Variants in KCNIP1 observed in about 807,000 individuals in gnomAD.
KCNIP1 encodes potassium voltage-gated channel interacting protein 1, also known as A-type potassium channel modulatory protein KCNIP1.
In KCNIP1, 18 loss-of-function variants were observed where a neutral mutation model predicts 33.0. That is an observed-to-expected ratio of 0.55 (90% confidence interval 0.38 to 0.81). KCNIP1 has a LOEUF of 0.81. Ranked by LOEUF, KCNIP1 falls within the 30% of genes least tolerant of loss-of-function variation. The pLI is 0.00. For synonymous variants in KCNIP1, 93 were observed against 98.3 expected (o/e 0.95, Z 0.32); for missense variants, 238 against 271.6 (o/e 0.88, Z 0.87).
intron 1 of KCNIP1, among the ~76,000 whole-genome samples, chr5:170,584,007 G>A (rs1275966085): frequency 1.3e-5 from 2 of 152,118 alleles, no homozygotes; most frequent in East Asian, 3.9e-4. Flanking sequence ...GGTAATGCAG[G>A]GGTAAATGGA....
intron 1 of KCNIP1, among the ~76,000 whole-genome samples, chr5:170,709,635 T>C (rs967042554): frequency 1.3e-5 from 2 of 152,240 alleles, no homozygotes; most frequent in Non-Finnish European, 2.9e-5. Context: ...TACTCTGATG[T>C]TCTTATAAGT....
rs1256719862 is a variant in KCNIP1 at position 170,408,926 on chromosome 5, A to T, written c.88+54962A>T. On this transcript the variant is annotated intron_variant, in intron 1 of 7. Coordinates refer to the KCNIP1 transcript ENST00000377360. ...GCTCTGGAAACATTTCAGTCCTGGA[A>T]CACCTGGTCTCTAAAGGTGCCATCA... Among the ~76,000 whole-genome samples, 3 of 152,152 alleles carry T rather than the reference A, an allele frequency of 2.0e-5. No homozygotes were observed. The East Asian group carries it at 5.8e-4, about 29-fold the overall frequency.
At chr5:170,536,025 C>T (rs187799916) in intron 1 of KCNIP1, among the ~76,000 whole-genome samples, 2 of 152,332 alleles carry the variant, frequency 1.3e-5, no homozygotes, top group African/African-American at 4.8e-5. Context: ...GCTCATAACC[C>T]TTTCTCCGCC....
chr5:170,492,941 G>A (rs1191326315), intron 1 of KCNIP1, among the ~76,000 whole-genome samples: 1 of 152,044 alleles, frequency 6.6e-6, no homozygotes, highest in Admixed American at 6.6e-5. Flanking sequence ...GTAGAGACGG[G>A]GTTTCACCAT....
intron 1 of KCNIP1, among the ~76,000 whole-genome samples, chr5:170,384,710 A>G (rs1177705891): frequency 6.6e-6 from 1 of 152,224 alleles, no homozygotes; most frequent in East Asian, 1.9e-4. Flanking sequence ...TAGAACACGA[A>G]TTAGGAATTC....
chr5:170,719,943 A>G (rs1763761723), intron 2 of KCNIP1, among the ~76,000 whole-genome samples: 1 of 152,194 alleles, frequency 6.6e-6, no homozygotes, highest in Non-Finnish European at 1.5e-5. Context: ...CATGGACTCA[A>G]TACCACCTAA....
rs547889097 is a variant in KCNIP1, at chr5:170,688,891, A to T, written c.62-29867A>T. 2.3e-3 allele frequency among the ~76,000 whole-genome samples: 345 copies of T among 150,536 alleles called. 1 individual carries two copies. Among genetic ancestry groups the T allele is most frequent in the Non-Finnish European group, 3.8e-3 (258 of 67,742 alleles). ...CTGTGTTGTGGTCATATAGATCATCACCTGGCTTCTCCAGGGCTAACCAGT... is the reference window on the plus strand; with the variant it reads ...CTGTGTTGTGGTCATATAGATCATCTCCTGGCTTCTCCAGGGCTAACCAGT... On this transcript the variant is annotated intron_variant, in intron 1 of 7. Transcript: ENST00000328939.
intron 1 of KCNIP1, chr5:170,639,024 C>T (rs74626775): frequency 0.021 from 3,252 of 152,382 alleles, 42 homozygotes; most frequent in East Asian, 0.04. Context: ...TCCTCCGGGG[C>T]GGAACACCTC....
chr5:170,725,231 T>G (rs1763970527), intron 5 of KCNIP1, among the ~76,000 whole-genome samples: 1 of 152,246 alleles, frequency 6.6e-6, no homozygotes, highest in Admixed American at 6.5e-5. Context: ...ACTCCCATGT[T>G]TTTTGCAGAT....
upstream of KCNIP1, among the ~76,000 whole-genome samples, chr5:170,503,394 A>C: frequency 5.8e-5 from 1 of 17,218 alleles, no homozygotes; most frequent in Admixed American, 7.5e-4. Context: ...ACTCCGTCTC[A>C]AAAAAAAAAA....
chr5:170,494,044 C>T (rs1354965941), intron 1 of KCNIP1, among the ~76,000 whole-genome samples: 1 of 152,166 alleles, frequency 6.6e-6, no homozygotes, highest in Admixed American at 6.5e-5. Context: ...ACAGCAGATA[C>T]CCCAGGGACT....
intron 1 of KCNIP1, among the ~76,000 whole-genome samples, chr5:170,611,823 G>C (rs1308896689): frequency 1.3e-5 from 2 of 152,220 alleles, no homozygotes; most frequent in Non-Finnish European, 1.5e-5. Flanking sequence ...GAAGGACAGA[G>C]AGAGAAGGGA....
chr5:170,732,090 T>C (rs1026592576), intron 5 of KCNIP1, among the ~76,000 whole-genome samples: 1 of 152,152 alleles, frequency 6.6e-6, no homozygotes, highest in African/African-American at 2.4e-5. Context: ...AAATTATTCA[T>C]AATATGCAAA....
At chr5:170,581,698 T>G (rs1288770910) in intron 1 of KCNIP1, among the ~76,000 whole-genome samples, 1 of 152,258 alleles carries the variant, frequency 6.6e-6, no homozygotes, top group Non-Finnish European at 1.5e-5. Flanking sequence ...ACCTCACTTA[T>G]TAAAATAATT....
chr5:170,437,989 C>T (rs1755904348), intron 1 of KCNIP1, among the ~76,000 whole-genome samples: 1 of 152,232 alleles, frequency 6.6e-6, no homozygotes, highest in African/African-American at 2.4e-5. Flanking sequence ...GGTCCCTCCA[C>T]AGAGCCCCCT....
At chr5:170,457,153 G>C (rs1197594256) in intron 1 of KCNIP1, among the ~76,000 whole-genome samples, 1 of 152,144 alleles carries the variant, frequency 6.6e-6, no homozygotes, top group Non-Finnish European at 1.5e-5. Context: ...AATACAACAA[G>C]CCAATTGATA....
intron 1 of KCNIP1, among the ~76,000 whole-genome samples, chr5:170,695,215 G>A (rs1762851115): frequency 1.3e-5 from 2 of 152,192 alleles, no homozygotes; most frequent in South Asian, 4.1e-4. Flanking sequence ...CTGTCACAGA[G>A]ATTCAAGATC....
intron 1 of KCNIP1, among the ~76,000 whole-genome samples, chr5:170,618,068 C>G (rs562712213): frequency 6.6e-6 from 1 of 152,146 alleles, no homozygotes; most frequent in Admixed American, 6.5e-5. Flanking sequence ...GCCCTCCAAC[C>G]GACCACTGGA....
chr5:170,675,525 G>T (rs879813597), intron 1 of KCNIP1, among the ~76,000 whole-genome samples: 5 of 152,152 alleles, frequency 3.3e-5, no homozygotes, highest in Admixed American at 6.5e-5. Context: ...GGAGGCTGAG[G>T]CAGGGGAATC....
Sources: gnomAD v4.1 joint callset for allele counts (sites outside exome capture counted in the v4.1 genomes callset) on GRCh38, gnomAD v4.1.1 for gene constraint, MANE v1.5 for transcripts, NCBI Gene and HGNC (gene_info 2026-07-23, HGNC 2026-07-21) for gene names.